SAXO1: variants seen among roughly 807,000 people sequenced by gnomAD.
SAXO1 encodes stabilizer of axonemal microtubules 1.
SAXO1 carries 21 observed loss-of-function variants against 17.5 expected under a neutral mutation model. The observed-to-expected ratio is 1.20, with a 90% CI of 0.85 to 1.72. The LOEUF is 1.72. Ranked by LOEUF, SAXO1 falls within the 40% of genes most tolerant of loss-of-function variation. SAXO1 has a pLI of 0.00. For missense variants in SAXO1, 843 were observed against 596.0 expected (o/e 1.41, Z -4.32); for synonymous variants, 274 against 216.5 (o/e 1.27, Z -2.33).
chr9:18,966,080 C>A (rs1397399437), intron 1 of SAXO1, among the ~76,000 whole-genome samples: 3 of 152,212 alleles, frequency 2.0e-5, no homozygotes, highest in Non-Finnish European at 4.4e-5. Context: ...CCTCCACTCT[C>A]TTCTGGTTTG....
chr9:19,031,946 T>A (rs994557309), intron 1 of SAXO1, among the ~76,000 whole-genome samples: 1 of 152,194 alleles, frequency 6.6e-6, no homozygotes, highest in Non-Finnish European at 1.5e-5. Flanking sequence ...ATATTTGCCC[T>A]TTTTTCAGAT....
At chr9:18,989,509 T>C (rs1195389610) in intron 1 of SAXO1, among the ~76,000 whole-genome samples, 4 of 151,868 alleles carry the variant, frequency 2.6e-5, no homozygotes. Flanking sequence ...AGATGACCAA[T>C]TCATACAGAG....
chr9:19,025,098 C>CA (rs1293044218), intron 1 of SAXO1, among the ~76,000 whole-genome samples: 1 of 151,898 alleles, frequency 6.6e-6, no homozygotes, highest in East Asian at 1.9e-4. Flanking sequence ...TTCTGATATC[C>CA]AAAAAAGGCC....
intron 1 of SAXO1, among the ~76,000 whole-genome samples, chr9:18,956,566 G>C (rs1832266825): frequency 6.6e-6 from 1 of 152,162 alleles, no homozygotes; most frequent in African/African-American, 2.4e-5. Context: ...AAGGGGCTCA[G>C]AGGCAGGAAG....
At chr9:18,971,172 C>T (rs534509686) in intron 1 of SAXO1, among the ~76,000 whole-genome samples, 8 of 152,230 alleles carry the variant, frequency 5.3e-5, no homozygotes, top group South Asian at 4.2e-4. Context: ...CAGCAAGTGG[C>T]GGAGCAAGAT....
rs894132085 is a variant in SAXO1, at chr9:19,033,127, G to A, written c.-219C>T. ...CGAGGTAGCAGCAGGGGGCTTGCAC[G>A]CGCGCCAGCCCGGGAGACCTCACCC... On this transcript the variant is annotated 5_prime_UTR_variant, in exon 1 of 4. Coordinates refer to ENST00000380534, the MANE Select transcript of SAXO1 (RefSeq NM_153707.4). 1.8e-5 allele frequency: 9 copies of A among 487,356 alleles called. No individual in the cohort carries two copies. The highest frequency in any genetic ancestry group is 7.5e-5 in the South Asian group (2 of 26,834). 30.2% of individuals were successfully genotyped at this position (487,356 alleles called of 1,614,324 possible). A position where few individuals can be genotyped will look rare whatever the true frequency, so the allele number is the denominator to read the frequency against.
chr9:19,022,413 T>G (rs1412795101), intron 1 of SAXO1, among the ~76,000 whole-genome samples: 1 of 152,240 alleles, frequency 6.6e-6, no homozygotes, highest in Non-Finnish European at 1.5e-5. Context: ...AATAGCATGT[T>G]CTTCCCCTAA....
intron 3 of SAXO1, among the ~76,000 whole-genome samples, chr9:18,932,617 C>G (rs1426762829): frequency 2.6e-5 from 4 of 152,168 alleles, no homozygotes; most frequent in African/African-American, 7.2e-5. Context: ...ATCTACAGAT[C>G]AATTTGGGAC....
intron 1 of SAXO1, among the ~76,000 whole-genome samples, chr9:18,960,472 G>T (rs981213870): frequency 5.3e-5 from 8 of 151,988 alleles, no homozygotes; most frequent in Admixed American, 4.6e-4. Context: ...GGTCTTCCTG[G>T]ACCCCCTGTC....
chr9:19,028,703 G>C (rs1835623843), intron 1 of SAXO1, among the ~76,000 whole-genome samples: 1 of 152,126 alleles, frequency 6.6e-6, no homozygotes, highest in Non-Finnish European at 1.5e-5. Flanking sequence ...GAAAGAAGTA[G>C]AGCATTGTTG....
intron 1 of SAXO1, among the ~76,000 whole-genome samples, chr9:19,000,815 C>A (rs1406180103): frequency 6.6e-6 from 1 of 152,032 alleles, no homozygotes; most frequent in African/African-American, 2.4e-5. Context: ...AGACTTTAAA[C>A]CAACAAAGAT....
intron 1 of SAXO1, among the ~76,000 whole-genome samples, chr9:18,966,411 C>T (rs1225743563): frequency 6.6e-6 from 1 of 152,188 alleles, no homozygotes; most frequent in East Asian, 1.9e-4. Flanking sequence ...CATACAGTCC[C>T]ATATTTCTTG....
At chr9:18,945,697 C>A (rs999003884) in intron 2 of SAXO1, among the ~76,000 whole-genome samples, 2 of 152,152 alleles carry the variant, frequency 1.3e-5, no homozygotes, top group Admixed American at 1.3e-4. Flanking sequence ...TCTCCTCTGC[C>A]CTCTGAGTCC....
At chr9:19,036,103 C>T (rs1199176478), upstream of SAXO1, among the ~76,000 whole-genome samples, 7 of 7,520 alleles carry the variant, frequency 9.3e-4, no homozygotes, top group South Asian at 5.2e-3. Context: ...TGGGGCCTGG[C>T]GGGGGGTAGG....
At chr9:18,930,791 G>A (rs935567000) in intron 3 of SAXO1, among the ~76,000 whole-genome samples, 2 of 152,164 alleles carry the variant, frequency 1.3e-5, no homozygotes, top group African/African-American at 2.4e-5. Flanking sequence ...GAGCCACCAC[G>A]CCCGGCCTAC....
At chr9:18,965,765 G>C (rs1023837060) in intron 1 of SAXO1, among the ~76,000 whole-genome samples, 1 of 152,136 alleles carries the variant, frequency 6.6e-6, no homozygotes, top group Non-Finnish European at 1.5e-5. Context: ...ATATTGTTAT[G>C]TGTGAATTTG....
intron 1 of SAXO1, among the ~76,000 whole-genome samples, chr9:18,977,541 A>G (rs879295981): frequency 6.6e-6 from 1 of 152,170 alleles, no homozygotes; most frequent in Non-Finnish European, 1.5e-5. Flanking sequence ...TACAAATTTA[A>G]ACTAAGTGTT....
intron 1 of SAXO1, among the ~76,000 whole-genome samples, chr9:18,996,162 ATAAG>A (rs1833991650): frequency 1.3e-5 from 2 of 152,198 alleles, no homozygotes; most frequent in African/African-American, 4.8e-5. Flanking sequence ...GAATCCCCAA[ATAAG>A]TATCATCCAT....
chr9:18,938,927 T>C (rs573020178), intron 3 of SAXO1, among the ~76,000 whole-genome samples: 4 of 151,472 alleles, frequency 2.6e-5, no homozygotes, highest in South Asian at 4.2e-4. Flanking sequence ...ATGCTACATA[T>C]AGACCTCCTC....
Sources: gnomAD v4.1 joint callset for allele counts (sites outside exome capture counted in the v4.1 genomes callset) on GRCh38, gnomAD v4.1.1 for gene constraint, MANE v1.5 for transcripts, NCBI Gene and HGNC (gene_info 2026-07-23, HGNC 2026-07-21) for gene names.